The following GGT5 variants were observed in gnomAD, a reference collection of about 807,000 sequenced individuals.
The protein encoded by GGT5 is glutathione hydrolase 5 proenzyme.
GGT5 carries 50 observed loss-of-function variants against 58.1 expected under a neutral mutation model. The observed-to-expected ratio is 0.86, with a 90% CI of 0.69 to 1.09. The LOEUF is 1.09. Among genes scored for constraint, GGT5 ranks in the 50% least tolerant of loss-of-function variants. The pLI is 0.00. For missense variants in GGT5, 800 were observed against 789.4 expected (o/e 1.01, Z -0.16); for synonymous variants, 370 against 346.1 (o/e 1.07, Z -0.77).
In GGT5 at chr22:24,231,427, AGGC is replaced by A. The variant is rs1403612243; in HGVS notation, c.855_857del (p.Pro286del). 1 of 1,557,706 alleles carries A rather than the reference AGGC, an allele frequency of 6.4e-7. No homozygotes were observed. Among genetic ancestry groups the A allele is most frequent in the South Asian group, 1.2e-5 (1 of 84,472 alleles). On this transcript the variant is annotated inframe_deletion, in exon 6 of 12. Coordinates refer to ENST00000327365, the MANE Select transcript of GGT5 (RefSeq NM_004121.5). ...TAAAGCTGAGAATGGCACCCCCTGC[AGGC>A]GGCGGTGGTGAGTACAGGGTATAGT...
At chr22:24,226,036 G>GTCT (rs2047750264) in intron 8 of GGT5, 40 bp downstream of exon 8, 1 of 1,408,994 alleles carries the variant, frequency 7.1e-7, no homozygotes, top group African/African-American at 1.4e-5. Flanking sequence ...TCTAGGAGAG[G>GTCT]AGGAGTGAAG....
At position 24,225,039 on chromosome 22, in the gene GGT5, A is replaced by G; in HGVS notation, c.1571T>C (p.Val524Ala). 6.2e-7 allele frequency: 1 copy of G among 1,601,948 alleles called. No individual in the cohort carries two copies. Among genetic ancestry groups the G allele is most frequent in the Non-Finnish European group, 8.5e-7 (1 of 1,174,162 alleles). ...RAAIAAPILH[V>A]NSKGCVEYEP... ...GTACTCCACACAGCCCTTGCTGTTGACATGCAGGATGGGGGCTGCAATGGC... is the reference window on the plus strand; with the variant it reads ...GTACTCCACACAGCCCTTGCTGTTGGCATGCAGGATGGGGGCTGCAATGGC... The change falls in exon 11 of 12, where the codon GTC becomes GCC. Residue 524 changes from valine to alanine, a missense_variant. Coordinates refer to ENST00000327365, the MANE Select transcript of GGT5 (RefSeq NM_004121.5).
intron 8 of GGT5, 57 bp from the exon 9 acceptor site, chr22:24,225,709 CACTT>C: frequency 9.8e-7 from 1 of 1,024,842 alleles, no homozygotes; most frequent in East Asian, 2.4e-5. Context: ...CACCAGACAC[CACTT>C]ACCCTGCACG....
chr22:24,240,287 A>G (rs2048293510), intron 1 of GGT5, among the ~76,000 whole-genome samples: 1 of 152,232 alleles, frequency 6.6e-6, no homozygotes, highest in African/African-American at 2.4e-5. Flanking sequence ...GAAAGGAGAT[A>G]AGAAGAAACA....
In GGT5 at chr22:24,232,823, C is replaced by T. The variant is rs1344889167; in HGVS notation, c.596G>A (p.Arg199His). Residue 199 changes from arginine (R) to histidine (H), a missense_variant and splice_region_variant, in exon 4 of 12, where the codon CGC becomes CAC. Coordinates refer to ENST00000327365, the MANE Select transcript of GGT5 (RefSeq NM_004121.5). ...LRPSLQASTLRQLFFNGTEPL... is the reference protein window; with the variant it reads ...LRPSLQASTLHQLFFNGTEPL... ...CCCAGGGCCACCATGTGGGGCTCAC[C>T]GCAGGGTTGACGCCTGCAAGGAAGG... is the stretch of plus-strand genomic sequence containing the variant. 25 of 1,512,508 alleles carry T rather than the reference C, an allele frequency of 1.7e-5. No homozygotes were observed. In the Admixed American group the frequency reaches 4.0e-4, roughly 24 times the overall value. The allele number at this position is 1,512,508 out of a possible 1,614,324, so 93.7% of individuals were successfully genotyped here. A position where few individuals can be genotyped will look rare whatever the true frequency, so the allele number is the denominator to read the frequency against.
At chr22:24,228,062 AAAAAC>A (rs1331847015) in intron 6 of GGT5, among the ~76,000 whole-genome samples, 2 of 122,044 alleles carry the variant, frequency 1.6e-5, no homozygotes, top group African/African-American at 8.1e-5. Context: ...AAAAAAAAAA[AAAAAC>A]AAAACAAAAA....
intron 1 of GGT5, among the ~76,000 whole-genome samples, chr22:24,235,386 G>A (rs563790108): frequency 3.3e-5 from 5 of 152,320 alleles, no homozygotes; most frequent in African/African-American, 1.2e-4. Context: ...CCCAGTTGCA[G>A]ATGGGGAAAC....
At position 24,225,098 on chromosome 22, in the gene GGT5, C is replaced by T; in HGVS notation, c.1512G>A (p.Met504Ile). 2 of 1,601,848 alleles carry T rather than the reference C, an allele frequency of 1.2e-6. No homozygotes were observed. The highest frequency in any genetic ancestry group is 1.7e-6 in the Non-Finnish European group (2 of 1,173,954). ...LIISAVAQAI[M>I]SKLWLGFDLR... ...GGTCAAAGCCAAGCCACAGCTTGCT[C>T]ATGATGGCCTGGGGGAGAGATGAGG... Residue 504 changes from methionine (M) to isoleucine (I), a missense_variant, in exon 11 of 12, where the codon ATG becomes ATA. Physicochemically the swap from Met to Ile is conservative, Grantham distance 10. Coordinates refer to ENST00000327365, the MANE Select transcript of GGT5 (RefSeq NM_004121.5).
chr22:24,238,468 G>A (rs1212922003), intron 1 of GGT5, among the ~76,000 whole-genome samples: 9 of 150,896 alleles, frequency 6.0e-5, no homozygotes, highest in Admixed American at 5.3e-4. Context: ...CAGGGAGGTG[G>A]AGGTTGCAGT....
At chr22:24,241,196 G>A (rs569853635) in intron 1 of GGT5, 1 of 149,496 alleles carries the variant, frequency 6.7e-6, no homozygotes, top group African/African-American at 2.5e-5. Flanking sequence ...TTACTAGCTA[G>A]TTTCAGTATT....
At position 24,220,072 on chromosome 22, in the gene GGT5, C is replaced by G; in HGVS notation, c.1659G>C (p.Gln553His). Reference sequence around the variant, plus strand: ...GGACCACGTTCAGGAAGAAGGGCCTCTGGGTCTGGTTCTGGCCACGGTCTT... The same window carrying G: ...GGACCACGTTCAGGAAGAAGGGCCTGTGGGTCTGGTTCTGGCCACGGTCTT... ...GLQDRGQNQT[Q>H]RPFFLNVVQA... Residue 553 changes from glutamine (Q) to histidine (H), a missense_variant, in exon 12 of 12, where the codon CAG (glutamine) becomes CAC (histidine). Physicochemically the swap from Gln to His is conservative, Grantham distance 24. Transcript: ENST00000327365. 1 of 1,614,216 alleles carries G rather than the reference C, an allele frequency of 6.2e-7. No individual in the cohort carries two copies. Among genetic ancestry groups the G allele is most frequent in the Non-Finnish European group, 8.5e-7 (1 of 1,180,028 alleles).
intron 11 of GGT5, 40 bp downstream of exon 11, chr22:24,224,956 G>T: frequency 7.5e-7 from 1 of 1,332,374 alleles, no homozygotes; most frequent in Non-Finnish European, 1.1e-6. Context: ...TTTGGGGAGT[G>T]GGCTCTGCCC....
intron 1 of GGT5, among the ~76,000 whole-genome samples, chr22:24,238,877 ATATATTATATATTTTATATAT>A (rs2048222860): frequency 8.7e-5 from 1 of 11,448 alleles, no homozygotes; most frequent in African/African-American, 5.3e-4. Flanking sequence ...TATATATAAT[ATATATTATATATTTTATATAT>A]ATATATATTA....
At chr22:24,223,112 C>T (rs1011277137) in intron 11 of GGT5, among the ~76,000 whole-genome samples, 2 of 150,240 alleles carry the variant, frequency 1.3e-5, no homozygotes, top group Non-Finnish European at 3.0e-5. Context: ...AAAAAAGAGT[C>T]AAGGGAGGGC....
In GGT5 at chr22:24,232,127, G is replaced by A. The variant is rs764096787; in HGVS notation, c.678C>T (p.Thr226=). The A allele has an allele frequency of 1.4e-5, 22 of 1,606,688 alleles. No individual in the cohort carries two copies. The highest frequency in any genetic ancestry group is 3.4e-5 in the Admixed American group (2 of 59,394). The change falls in exon 5 of 12, where the codon ACC becomes ACT. Residue 226 remains threonine, a synonymous_variant. Coordinates refer to ENST00000327365, the MANE Select transcript of GGT5 (RefSeq NM_004121.5). The part of the protein sequence containing the change: ...PWPALATTLE[T]VATEGVEVFY... Reference sequence around the variant, plus strand: ...AGACCTCCACGCCCTCTGTGGCCACGGTCTCCAGGGTGGTGGCCAGTGCAG... The same window carrying A: ...AGACCTCCACGCCCTCTGTGGCCACAGTCTCCAGGGTGGTGGCCAGTGCAG...
intron 6 of GGT5, 116 bp from the exon 7 acceptor site, chr22:24,226,883 G>T (rs936002642): frequency 6.5e-6 from 5 of 771,134 alleles, no homozygotes; most frequent in Non-Finnish European, 6.7e-6. Context: ...AAAACCTGTG[G>T]ATATTACCTT....
chr22:24,240,127 T>C (rs904537284), intron 1 of GGT5, among the ~76,000 whole-genome samples: 1 of 152,176 alleles, frequency 6.6e-6, no homozygotes, highest in African/African-American at 2.4e-5. Flanking sequence ...TACTAGCTCA[T>C]GTTAGACTTT....
At chr22:24,225,698 C>T in intron 8 of GGT5, 46 bp from the exon 9 acceptor site, 1 of 1,087,516 alleles carries the variant, frequency 9.2e-7, no homozygotes. Flanking sequence ...CCCGGGGCTC[C>T]CACCAGACAC....
intron 11 of GGT5, among the ~76,000 whole-genome samples, chr22:24,222,902 C>T (rs1017946876): frequency 2.0e-5 from 3 of 151,052 alleles, no homozygotes; most frequent in Non-Finnish European, 4.4e-5. Flanking sequence ...ACGGTGAAAC[C>T]CTGTCTCTAC....
Sources: allele counts gnomAD v4.1 joint callset (sites outside exome capture counted in the v4.1 genomes callset), GRCh38; gene constraint gnomAD v4.1.1; transcripts MANE v1.5; gene names NCBI Gene and HGNC (gene_info 2026-07-23, HGNC 2026-07-21).